KCNIP4: variants seen among roughly 807,000 people sequenced by gnomAD.
The protein encoded by KCNIP4 is Kv channel-interacting protein 4.
KCNIP4 carries 12 observed loss-of-function variants against 34.0 expected under a neutral mutation model. That is an observed-to-expected ratio of 0.35 (90% CI 0.23 to 0.57). The LOEUF (loss-of-function observed/expected upper bound fraction) is 0.57. KCNIP4 is among the 20% of genes least tolerant of loss of function. The pLI is 0.83. For synonymous variants in KCNIP4, 124 were observed against 102.2 expected (o/e 1.21, Z -1.29); for missense variants, 238 against 311.7 (o/e 0.76, Z 1.78).
intron 1 of KCNIP4, among the ~76,000 whole-genome samples, chr4:21,060,342 C>G (rs1346923774): frequency 6.6e-6 from 1 of 151,646 alleles, no homozygotes; most frequent in East Asian, 1.9e-4. Flanking sequence ...TAGATAATAT[C>G]TTGCGGTTAA....
chr4:21,085,080 C>G (rs1481665816), intron 1 of KCNIP4, among the ~76,000 whole-genome samples: 3 of 151,964 alleles, frequency 2.0e-5, no homozygotes, highest in African/African-American at 7.2e-5. Flanking sequence ...AATGTTTGTG[C>G]CCCACCCCCA....
At chr4:20,909,701 C>T (rs1337819777) in intron 1 of KCNIP4, among the ~76,000 whole-genome samples, 1 of 152,188 alleles carries the variant, frequency 6.6e-6, no homozygotes, top group Non-Finnish European at 1.5e-5. Context: ...TTAATACTCA[C>T]TTCCCTGTCT....
chr4:21,366,546 CA>C (rs958478749), intron 1 of KCNIP4, among the ~76,000 whole-genome samples: 12 of 152,116 alleles, frequency 7.9e-5, no homozygotes, highest in African/African-American at 2.9e-4. Context: ...GATGGGACTG[CA>C]AAAAGTACTT....
intron 3 of KCNIP4, among the ~76,000 whole-genome samples, chr4:20,788,343 C>A (rs907735557): frequency 6.6e-6 from 1 of 152,046 alleles, no homozygotes; most frequent in African/African-American, 2.4e-5. Flanking sequence ...AAAATACTAT[C>A]CAGGACATAT....
intron 1 of KCNIP4, among the ~76,000 whole-genome samples, chr4:21,627,806 G>A (rs1745442861): frequency 6.6e-6 from 1 of 152,132 alleles, no homozygotes; most frequent in Non-Finnish European, 1.5e-5. Flanking sequence ...TTGTCACTGA[G>A]TCTAATAAGT....
chr4:21,419,265 G>T (rs1279569343), intron 1 of KCNIP4, among the ~76,000 whole-genome samples: 3 of 152,102 alleles, frequency 2.0e-5, no homozygotes, highest in Non-Finnish European at 4.4e-5. Context: ...TGACCTATGT[G>T]TTATTCCCTT....
At chr4:21,028,174 C>G (rs575897059) in intron 1 of KCNIP4, among the ~76,000 whole-genome samples, 33 of 152,244 alleles carry the variant, frequency 2.2e-4, no homozygotes, top group South Asian at 6.2e-4. Flanking sequence ...TCCCCTCCCC[C>G]CCAATTGTCA....
chr4:21,342,715 G>T (rs769702872), intron 1 of KCNIP4, among the ~76,000 whole-genome samples: 1 of 151,746 alleles, frequency 6.6e-6, no homozygotes, highest in South Asian at 2.1e-4. Flanking sequence ...ACACCTAATC[G>T]TGTTGCTAGG....
At chr4:21,024,940 A>AG (rs1740392335) in intron 1 of KCNIP4, among the ~76,000 whole-genome samples, 1 of 152,212 alleles carries the variant, frequency 6.6e-6, no homozygotes, top group East Asian at 1.9e-4. Flanking sequence ...TTAAGAGGAA[A>AG]GGGAGAAGTG....
At chr4:21,903,826 C>T (rs1042546447) in intron 1 of KCNIP4, among the ~76,000 whole-genome samples, 1 of 151,990 alleles carries the variant, frequency 6.6e-6, no homozygotes, top group Admixed American at 6.6e-5. Context: ...ATGTGTACAC[C>T]CCAATAGTTT....
At chr4:21,411,971 G>GTC (rs1724549056) in intron 1 of KCNIP4, among the ~76,000 whole-genome samples, 1 of 152,180 alleles carries the variant, frequency 6.6e-6, no homozygotes, top group Non-Finnish European at 1.5e-5. Flanking sequence ...ATCAAAGGAG[G>GTC]AAGAGGAAGA....
intron 1 of KCNIP4, among the ~76,000 whole-genome samples, chr4:21,342,330 G>A (rs187021537): frequency 4.6e-5 from 7 of 152,120 alleles, no homozygotes; most frequent in East Asian, 3.9e-4. Flanking sequence ...ATAATTGAAC[G>A]TCTTGCATAC....
intron 1 of KCNIP4, among the ~76,000 whole-genome samples, chr4:21,481,491 T>A (rs186718554): frequency 5.3e-5 from 8 of 152,278 alleles, no homozygotes; most frequent in African/African-American, 1.9e-4. Context: ...CATAGTGGCT[T>A]GGGATCTCTC....
chr4:21,814,051 G>A (rs554666962), intron 1 of KCNIP4, among the ~76,000 whole-genome samples: 29 of 152,016 alleles, frequency 1.9e-4, no homozygotes, highest in African/African-American at 7.0e-4. Context: ...TGTCAAGCCG[G>A]TTTTTTTTAA....
At chr4:21,366,731 A>C (rs1302787030) in intron 1 of KCNIP4, among the ~76,000 whole-genome samples, 1 of 152,110 alleles carries the variant, frequency 6.6e-6, no homozygotes, top group Non-Finnish European at 1.5e-5. Flanking sequence ...GTCTTTACCC[A>C]GTTAGAAAGC....
At chr4:21,042,869 TG>T (rs1361540289) in intron 1 of KCNIP4, among the ~76,000 whole-genome samples, 1 of 152,000 alleles carries the variant, frequency 6.6e-6, no homozygotes, top group Non-Finnish European at 1.5e-5. Context: ...TAATTTTCTT[TG>T]GGGGAAAAAA....
intron 1 of KCNIP4, among the ~76,000 whole-genome samples, chr4:21,412,163 G>A (rs937836183): frequency 1.3e-5 from 2 of 152,168 alleles, no homozygotes; most frequent in African/African-American, 4.8e-5. Context: ...CAAGCCTCTA[G>A]TCTAACCATT....
intron 1 of KCNIP4, among the ~76,000 whole-genome samples, chr4:21,411,270 G>C (rs1724473826): frequency 6.6e-6 from 1 of 151,972 alleles, no homozygotes; most frequent in Non-Finnish European, 1.5e-5. Context: ...TCTTGGGAGG[G>C]GTTTGTTGAT....
chr4:20,910,547 T>C (rs1728229312), intron 1 of KCNIP4, among the ~76,000 whole-genome samples: 1 of 152,098 alleles, frequency 6.6e-6, no homozygotes, highest in African/African-American at 2.4e-5. Flanking sequence ...AAAGAAGAAA[T>C]GAAGCAGAAC....
Sources: allele counts gnomAD v4.1 joint callset (sites outside exome capture counted in the v4.1 genomes callset), GRCh38; gene constraint gnomAD v4.1.1; transcripts MANE v1.5; gene names NCBI Gene and HGNC (gene_info 2026-07-23, HGNC 2026-07-21).